The following DEFB104B variants were observed in gnomAD, a reference collection of about 807,000 sequenced individuals.
The protein encoded by DEFB104B is defensin beta 104B, also known as beta-defensin 104.
intron 1 of DEFB104B, among the ~76,000 whole-genome samples, chr8:7,473,999 C>G: frequency 7.2e-6 from 1 of 139,186 alleles, no homozygotes; most frequent in Non-Finnish European, 1.6e-5. Context: ...ATGCTCATAG[C>G]AGAATTTCAC....
intron 1 of DEFB104B, among the ~76,000 whole-genome samples, chr8:7,473,883 G>C (rs1236969534): frequency 1.4e-5 from 2 of 140,500 alleles, no homozygotes; most frequent in African/African-American, 5.1e-5. Flanking sequence ...GATCTGGAGG[G>C]ATCCCTGACC....
In DEFB104B at chr8:7,471,240, A is replaced by G. The variant is rs1474645333; in HGVS notation, c.59-724T>C. On this transcript the variant is annotated intron_variant, in intron 1 of 1. Transcript: ENST00000316169. Reference sequence around the variant, plus strand: ...CATAGATATAGATATGTATATATGTATGTATATTTTGTTATTTGCTATTCT... The same window carrying G: ...CATAGATATAGATATGTATATATGTGTGTATATTTTGTTATTTGCTATTCT... 2.5e-5 allele frequency among the ~76,000 whole-genome samples: 3 copies of G among 121,926 alleles called. No homozygotes were observed. In the East Asian group the frequency reaches 8.5e-4, roughly 35 times the overall value. 80.0% of individuals were successfully genotyped at this position (121,926 alleles called of 152,430 possible). A position where few individuals can be genotyped will look rare whatever the true frequency, so the allele number is the denominator to read the frequency against.
At chr8:7,471,971 G>C (rs1255284483) in intron 1 of DEFB104B, among the ~76,000 whole-genome samples, 1 of 150,972 alleles carries the variant, frequency 6.6e-6, no homozygotes, top group East Asian at 1.9e-4. Context: ...CAGGATGTAG[G>C]TGAGGACTAA....
intron 1 of DEFB104B, among the ~76,000 whole-genome samples, chr8:7,473,898 C>G (rs1811039872): frequency 7.1e-6 from 1 of 141,298 alleles, no homozygotes; most frequent in African/African-American, 2.5e-5. Context: ...CTGACCCAGG[C>G]TTTCCATCCC....
rs528521896 is a variant in DEFB104B at position 7,474,201 on chromosome 8, G to A, written c.58+810C>T. Among the ~76,000 whole-genome samples the A allele has an allele frequency of 6.3e-5, 9 of 143,844 alleles. No individual in the cohort carries two copies. In the East Asian group the frequency reaches 1.4e-3, roughly 22 times the overall value. The allele number at this position is 143,844 out of a possible 152,430, so 94.4% of individuals were successfully genotyped here. On this transcript the variant is annotated intron_variant, in intron 1 of 1. Coordinates refer to ENST00000316169, the MANE Select transcript of DEFB104B (RefSeq NM_001040702.1). ...CTGAGCAGCTTGGAAGAGAAGATCC[G>A]ATGGCTTCTACGAGTCAAAACAATT...
chr8:7,471,191 G>C (rs1354460877), intron 1 of DEFB104B, among the ~76,000 whole-genome samples: 1 of 136,904 alleles, frequency 7.3e-6, no homozygotes, highest in Non-Finnish European at 1.6e-5. Context: ...CACATATATA[G>C]AGAGAGATAC....
At chr8:7,473,144 A>G (rs1328124327) in intron 1 of DEFB104B, among the ~76,000 whole-genome samples, 27 of 140,856 alleles carry the variant, frequency 1.9e-4, no homozygotes, top group African/African-American at 6.8e-4. Flanking sequence ...GGTGTGAGCC[A>G]CTACACCTGG....
intron 1 of DEFB104B, among the ~76,000 whole-genome samples, chr8:7,474,344 C>G (rs1212892136): frequency 6.9e-6 from 1 of 144,296 alleles, no homozygotes; most frequent in African/African-American, 2.6e-5. Context: ...TAGGTGCTCA[C>G]TCATATCCAT....
intron 1 of DEFB104B, among the ~76,000 whole-genome samples, chr8:7,474,168 A>G (rs542580829): frequency 2.1e-5 from 3 of 142,506 alleles, no homozygotes; most frequent in African/African-American, 7.7e-5. Context: ...AAAGCCCCAT[A>G]AAATTGACTG....
At chr8:7,472,728 C>G (rs2128878006) in intron 1 of DEFB104B, among the ~76,000 whole-genome samples, 1 of 133,254 alleles carries the variant, frequency 7.5e-6, no homozygotes, top group South Asian at 2.8e-4. Flanking sequence ...GACACAACCT[C>G]AGGAGGTCCT....
chr8:7,474,835 A>G (rs956477649), intron 1 of DEFB104B, among the ~76,000 whole-genome samples, 176 bp downstream of exon 1: 1 of 125,420 alleles, frequency 8.0e-6, no homozygotes, highest in African/African-American at 2.7e-5. Flanking sequence ...GGTGCATACA[A>G]GGATTGCCAC....
chr8:7,474,379 C>T (rs1261949912), intron 1 of DEFB104B, among the ~76,000 whole-genome samples: 9 of 143,750 alleles, frequency 6.3e-5, no homozygotes, highest in East Asian at 4.0e-4. Flanking sequence ...GAAATACATG[C>T]TTCTGGGGAC....
intron 1 of DEFB104B, among the ~76,000 whole-genome samples, chr8:7,473,954 G>C (rs1418315716): frequency 1.4e-5 from 2 of 139,372 alleles, no homozygotes; most frequent in African/African-American, 5.2e-5. Flanking sequence ...CCTGTTCTTT[G>C]ATAAATTGCT....
rs1410013837 is a variant in DEFB104B, at chr8:7,472,441, C to A, written c.59-1925G>T. Among the ~76,000 whole-genome samples the A allele has an allele frequency of 4.3e-5, 6 of 138,366 alleles. 1 individual carries two copies. Among genetic ancestry groups the A allele is most frequent in the African/African-American group, 1.4e-4 (5 of 34,850 alleles). 90.8% of individuals were successfully genotyped at this position (138,366 alleles called of 152,430 possible). A position where few individuals can be genotyped will look rare whatever the true frequency, so the allele number is the denominator to read the frequency against. ...AAGTGACTAATCTGACGTCACACAG[C>A]AACTTATGTGTCAAAGCTGGAACAG... On this transcript the variant is annotated intron_variant, in intron 1 of 1. Transcript: ENST00000316169.
chr8:7,471,338 A>G (rs562264367), intron 1 of DEFB104B, among the ~76,000 whole-genome samples: 298 of 118,094 alleles, frequency 2.5e-3, no homozygotes, highest in African/African-American at 9.4e-3. Flanking sequence ...TGCTACCAGG[A>G]ACATAGCCTG....
chr8:7,473,928 C>A (rs1410244900), intron 1 of DEFB104B, among the ~76,000 whole-genome samples: 1 of 141,042 alleles, frequency 7.1e-6, no homozygotes, highest in African/African-American at 2.6e-5. Context: ...GTCTTGGGAT[C>A]AAAGGTTGAA....
intron 1 of DEFB104B, among the ~76,000 whole-genome samples, chr8:7,471,216 A>G (rs1810932013): frequency 1.5e-5 from 2 of 131,404 alleles, no homozygotes; most frequent in African/African-American, 2.8e-5. Context: ...AAACATAGAC[A>G]TAGATATAGA....
Position 7,470,775 on chromosome 8 carries a change from C to T in DEFB104B, c.59-259G>A, listed in dbSNP as rs545455666. 2.6e-4 allele frequency among the ~76,000 whole-genome samples: 26 copies of T among 98,140 alleles called. No individual in the cohort carries two copies. In the East Asian group the frequency reaches 7.6e-3, roughly 29 times the overall value. 64.4% of individuals were successfully genotyped at this position (98,140 alleles called of 152,430 possible). ...ATCCCTACAAGTTTACTATTGTTTTCTTTATTAAATCTCTCCAAGCCCCTT... is the reference window on the plus strand; with the variant it reads ...ATCCCTACAAGTTTACTATTGTTTTTTTTATTAAATCTCTCCAAGCCCCTT... On this transcript the variant is annotated intron_variant, in intron 1 of 1. Transcript: ENST00000316169.
intron 1 of DEFB104B, among the ~76,000 whole-genome samples, chr8:7,474,579 G>C (rs571724530): frequency 1.4e-5 from 2 of 141,136 alleles, no homozygotes; most frequent in African/African-American, 5.2e-5. Context: ...ATGAGTAGGC[G>C]CCCTTTCTGT....
Sources: allele counts gnomAD v4.1 joint callset (sites outside exome capture counted in the v4.1 genomes callset), GRCh38; gene constraint gnomAD v4.1.1; transcripts MANE v1.5; gene names NCBI Gene and HGNC (gene_info 2026-07-23, HGNC 2026-07-21).